Variants in NDUFS7 observed in about 807,000 individuals in gnomAD.
The protein encoded by NDUFS7 is NADH dehydrogenase [ubiquinone] iron-sulfur protein 7, mitochondrial.
NDUFS7 carries 11 observed loss-of-function variants against 31.1 expected under a neutral mutation model. The ratio of observed to expected loss-of-function variants is 0.35; its 90% CI spans 0.22 to 0.59. The LOEUF (loss-of-function observed/expected upper bound fraction) is 0.59, where lower values mean the gene tolerates loss of function less well. NDUFS7 is among the 20% of genes least tolerant of loss of function. The probability of loss-of-function intolerance (pLI) is 0.79; values close to 1 mark genes in which losing one functional copy is unlikely to be tolerated. For missense variants in NDUFS7, 263 were observed against 324.2 expected (o/e 0.81, Z 1.45); for synonymous variants, 136 against 127.9 (o/e 1.06, Z -0.43).
intron 1 of NDUFS7, among the ~76,000 whole-genome samples, chr19:1,385,632 A>G (rs2082502805): frequency 6.6e-6 from 1 of 152,144 alleles, no homozygotes; most frequent in Non-Finnish European, 1.5e-5. Context: ...CAGCCTGATC[A>G]ACATGGAGAA....
chr19:1,395,196 GAGGA>G, intron 7 of NDUFS7, 191 bp from the exon 8 acceptor site: 1 of 1,425,250 alleles, frequency 7.0e-7, no homozygotes, highest in South Asian at 1.5e-5. Context: ...TTGCCCAGGG[GAGGA>G]CCCCACTCTT....
At chr19:1,390,836 G>T in intron 4 of NDUFS7, 35 bp from the exon 5 acceptor site, 1 of 1,598,778 alleles carries the variant, frequency 6.3e-7, no homozygotes. Flanking sequence ...GCGGGGCTCC[G>T]GGGGTGGCGT....
At chr19:1,387,931 G>C (rs2082520313) in intron 2 of NDUFS7, 84 bp downstream of exon 2, 2 of 428,604 alleles carry the variant, frequency 4.7e-6, no homozygotes, top group South Asian at 1.7e-5. Flanking sequence ...GGGGGGTGGG[G>C]GGAGCGCCTT....
chr19:1,394,236 C>A, intron 7 of NDUFS7: 1 of 568,760 alleles, frequency 1.8e-6, no homozygotes, highest in South Asian at 1.8e-5. Flanking sequence ...GTTCAGCGTT[C>A]TGCACGGTTC....
At chr19:1,387,910 G>A in intron 2 of NDUFS7, 63 bp downstream of exon 2, 1 of 440,138 alleles carries the variant, frequency 2.3e-6, no homozygotes, top group Non-Finnish European at 4.3e-6. Flanking sequence ...GACGAACGGG[G>A]CGGGGGGGGT....
At position 1,393,386 on chromosome 19, in the gene NDUFS7, C is replaced by G. The variant is rs1394744183; in HGVS notation, c.544+56C>G. ...AGCTGGAGACAGGGCCAGCGCCACACGGAGCCCGGCGGCCCCTGTGAGGGA... is the reference window on the plus strand; with the variant it reads ...AGCTGGAGACAGGGCCAGCGCCACAGGGAGCCCGGCGGCCCCTGTGAGGGA... On this transcript the variant is annotated intron_variant, in intron 7 of 7. Coordinates refer to ENST00000233627, the MANE Select transcript of NDUFS7 (RefSeq NM_024407.5). This position sits in a 1 kb window ranked among gnomAD's most constrained non-coding sequence, Gnocchi z 7.3. The G allele has an allele frequency of 6.9e-6, 10 of 1,442,280 alleles. No individual in the cohort carries two copies. Among genetic ancestry groups the G allele is most frequent in the Non-Finnish European group, 9.5e-6 (10 of 1,057,162 alleles). The allele number at this position is 1,442,280 out of a possible 1,614,324, so 89.3% of individuals were successfully genotyped here.
chr19:1,394,780 T>A, intron 7 of NDUFS7: 1 of 1,183,710 alleles, frequency 8.4e-7, no homozygotes, highest in Non-Finnish European at 1.1e-6. Context: ...TCCCAGGCCC[T>A]GCAGTGGCCT....
chr19:1,393,437 G>C lies in NDUFS7; in HGVS notation c.544+107G>C. 3.2e-6 allele frequency: 3 copies of C among 942,502 alleles called. No individual in the cohort carries two copies. The highest frequency in any genetic ancestry group is 5.2e-5 in the East Asian group (2 of 38,264). 58.4% of individuals were successfully genotyped at this position (942,502 alleles called of 1,614,324 possible). A position where few individuals can be genotyped will look rare whatever the true frequency, so the allele number is the denominator to read the frequency against. On this transcript the variant is annotated intron_variant, in intron 7 of 7. Transcript: ENST00000233627. The surrounding 1 kb of genome is among the most constrained non-coding windows in gnomAD (Gnocchi z 7.3). The stretch of plus-strand genomic sequence containing the variant: ...GTCCCACACCCCCAGCAGACGGCGG[G>C]CTCCCCCATCCTATGGATGGGCCGA...
intron 4 of NDUFS7, chr19:1,389,204 C>A: frequency 2.9e-6 from 2 of 687,452 alleles, no homozygotes; most frequent in South Asian, 3.0e-5. Flanking sequence ...TGTGCACACA[C>A]GCTTGCACAC....
At chr19:1,394,349 C>T (rs1293023580) in intron 7 of NDUFS7, 13 of 1,286,008 alleles carry the variant, frequency 1.0e-5, no homozygotes, top group South Asian at 2.5e-5. Flanking sequence ...ATGCCCCTGG[C>T]GTCTTCCCCT....
chr19:1,392,867 C>T (rs575716682), intron 6 of NDUFS7: 14 of 334,422 alleles, frequency 4.2e-5, no homozygotes, highest in Admixed American at 3.8e-4. Flanking sequence ...CTGACAGAGC[C>T]GGAATCAGGC....
Position 1,389,333 on chromosome 19 carries a change from A to G in NDUFS7, c.228+395A>G, listed in dbSNP as rs373762892. 3.9e-3 allele frequency: 1,888 copies of G among 490,090 alleles called. 37 individuals carry two copies. Among genetic ancestry groups the G allele is most frequent in the African/African-American group, 0.033 (1,714 of 51,568 alleles). 30.4% of individuals were successfully genotyped at this position (490,090 alleles called of 1,614,324 possible). ...CATGCACACACATGCACACTCACAC[A>G]CATGCACACACGTCCTTGTGTGGAC... On this transcript the variant is annotated intron_variant, in intron 4 of 7. Transcript: ENST00000233627.
intron 7 of NDUFS7, 167 bp from the exon 8 acceptor site, chr19:1,395,224 C>A: frequency 7.0e-7 from 1 of 1,437,002 alleles, no homozygotes; most frequent in South Asian, 1.5e-5. Flanking sequence ...GCAGGGACCT[C>A]CCCTGCGCCG....
intron 1 of NDUFS7, 51 bp from the exon 2 acceptor site, chr19:1,387,760 C>T: frequency 6.3e-7 from 1 of 1,589,170 alleles, no homozygotes; most frequent in Non-Finnish European, 8.6e-7. Flanking sequence ...GGAGGCCGGC[C>T]CTGCGTGCTG....
At position 1,393,231 on chromosome 19, in the gene NDUFS7, C is replaced by T. The variant is rs1485392614; in HGVS notation, c.456-11C>T. 6.4e-7 allele frequency: 1 copy of T among 1,552,932 alleles called. No homozygotes were observed. The highest frequency in any genetic ancestry group is 8.7e-7 in the Non-Finnish European group (1 of 1,149,198). On this transcript the variant is annotated splice_polypyrimidine_tract_variant and intron_variant, in intron 6 of 7. Transcript: ENST00000233627. The surrounding 1 kb of genome is among the most constrained non-coding windows in gnomAD (Gnocchi z 7.3). ...CTTCGGCACACTCCCCTCACGGTGC[C>T]TCCCCAACAGCTGCGCCAACGGAGG... is the stretch of plus-strand genomic sequence containing the variant.
chr19:1,387,703 G>T, intron 1 of NDUFS7, 108 bp from the exon 2 acceptor site: 1 of 989,406 alleles, frequency 1.0e-6, no homozygotes, highest in Non-Finnish European at 1.6e-6. Flanking sequence ...ACTCGAGTTG[G>T]GATCAGAGCT....
chr19:1,393,577 C>T lies in NDUFS7; in HGVS notation c.544+247C>T. ...GCTGAGTGGAATTCCTGACACACGC[C>T]TGGTTTACAGCAGTTTCATATGGTC... On this transcript the variant is annotated intron_variant, in intron 7 of 7. Transcript: ENST00000233627. This position sits in a 1 kb window ranked among gnomAD's most constrained non-coding sequence, Gnocchi z 7.3. 1 of 639,356 alleles carries T rather than the reference C, an allele frequency of 1.6e-6. No individual in the cohort carries two copies. The highest frequency in any genetic ancestry group is 2.7e-5 in the East Asian group (1 of 36,590). 39.6% of individuals were successfully genotyped at this position (639,356 alleles called of 1,614,324 possible). A position where few individuals can be genotyped will look rare whatever the true frequency, so the allele number is the denominator to read the frequency against.
intron 4 of NDUFS7, chr19:1,389,209 G>A (rs1568989801): frequency 2.9e-6 from 2 of 682,654 alleles, no homozygotes; most frequent in Non-Finnish European, 5.3e-6. Flanking sequence ...ACACACGCTT[G>A]CACACATACA....
chr19:1,384,014 G>T, intron 1 of NDUFS7, 72 bp downstream of exon 1: 1 of 1,491,338 alleles, frequency 6.7e-7, no homozygotes, highest in South Asian at 1.3e-5. Context: ...GTGTCGTGGT[G>T]GCGTCGGGGG....
Sources: allele counts gnomAD v4.1 joint callset (sites outside exome capture counted in the v4.1 genomes callset), GRCh38; gene constraint gnomAD v4.1.1; non-coding constraint Gnocchi (gnomAD v3.1); transcripts MANE v1.5; gene names NCBI Gene and HGNC (gene_info 2026-07-23, HGNC 2026-07-21).